TIPARP: variants seen among roughly 807,000 people sequenced by gnomAD.
The protein encoded by TIPARP is TCDD inducible poly(ADP-ribose) polymerase.
TIPARP carries 12 observed loss-of-function variants against 56.5 expected under a neutral mutation model. That is an observed-to-expected ratio of 0.21 (90% CI 0.14 to 0.34). The LOEUF is 0.34. Ranked by LOEUF, TIPARP falls within the 10% of genes least tolerant of loss-of-function variation. The pLI, the probability that TIPARP is intolerant of heterozygous loss-of-function variation, is 1.00. For synonymous variants in TIPARP, 296 were observed against 265.7 expected (o/e 1.11, Z -1.11); for missense variants, 604 against 781.6 (o/e 0.77, Z 2.71).
At chr3:156,696,194 A>G in intron 4 of TIPARP, among the ~76,000 whole-genome samples, 169 bp downstream of exon 4, 1 of 152,328 alleles carries the variant, frequency 6.6e-6, no homozygotes, top group East Asian at 1.9e-4. Flanking sequence ...AGTGTAAATA[A>G]GCTACAATAA....
chr3:156,683,359 G>A (rs142172610), intron 2 of TIPARP, among the ~76,000 whole-genome samples: 1 of 152,250 alleles, frequency 6.6e-6, no homozygotes, highest in East Asian at 1.9e-4. Context: ...GAGACCAGAA[G>A]TGTTTCAGAT....
At chr3:156,685,065 G>A (rs894835186) in intron 2 of TIPARP, among the ~76,000 whole-genome samples, 1 of 152,216 alleles carries the variant, frequency 6.6e-6, no homozygotes, top group Non-Finnish European at 1.5e-5. Context: ...GAAGAGGACA[G>A]TATTGCAGAC....
At chr3:156,703,178 A>G (rs1292117946) in intron 4 of TIPARP, among the ~76,000 whole-genome samples, 1 of 152,210 alleles carries the variant, frequency 6.6e-6, no homozygotes, top group East Asian at 1.9e-4. Context: ...CCTTGTAGCT[A>G]TACATTCCAG....
intron 1 of TIPARP, among the ~76,000 whole-genome samples, chr3:156,675,996 G>A (rs1722115652): frequency 6.6e-6 from 1 of 152,222 alleles, no homozygotes; most frequent in Non-Finnish European, 1.5e-5. Flanking sequence ...GCTTGCGTGT[G>A]TACGCGCAGA....
intron 2 of TIPARP, among the ~76,000 whole-genome samples, chr3:156,691,499 C>G (rs970681313): frequency 6.6e-6 from 1 of 152,080 alleles, no homozygotes; most frequent in African/African-American, 2.4e-5. Context: ...TTTAATTCTT[C>G]GTGTATTGCC....
At chr3:156,678,730 T>G in intron 2 of TIPARP, 116 bp downstream of exon 2, 2 of 881,088 alleles carry the variant, frequency 2.3e-6, no homozygotes, top group Non-Finnish European at 3.4e-6. Flanking sequence ...TTTTTTCCAC[T>G]ATTATTCTTT....
At chr3:156,694,427 A>G (rs1488127051) in intron 3 of TIPARP, among the ~76,000 whole-genome samples, 1 of 152,214 alleles carries the variant, frequency 6.6e-6, no homozygotes, top group East Asian at 1.9e-4. Flanking sequence ...GATAAATAAA[A>G]TGCTTTCCAC....
chr3:156,681,218 A>T (rs1277009800), intron 2 of TIPARP: 3 of 456,556 alleles, frequency 6.6e-6, no homozygotes, highest in African/African-American at 2.0e-5. Context: ...TTATTTGGCT[A>T]AAGCTATTAA....
chr3:156,690,332 T>G (rs1722534541), intron 2 of TIPARP, among the ~76,000 whole-genome samples: 1 of 152,172 alleles, frequency 6.6e-6, no homozygotes, highest in Non-Finnish European at 1.5e-5. Flanking sequence ...TACTAAGATA[T>G]TAGTATACTT....
chr3:156,676,507 C>T (rs1283317378), intron 1 of TIPARP, among the ~76,000 whole-genome samples: 1 of 152,202 alleles, frequency 6.6e-6, no homozygotes, highest in Non-Finnish European at 1.5e-5. Context: ...TTAACTAATT[C>T]AGCCAACAAA....
chr3:156,704,117 TTC>T (rs1431661370), intron 5 of TIPARP, among the ~76,000 whole-genome samples: 6 of 152,204 alleles, frequency 3.9e-5, no homozygotes, highest in African/African-American at 1.4e-4. Flanking sequence ...TGTTCATATT[TTC>T]TGTGTATTGA....
At position 156,691,352 on chromosome 3, in the gene TIPARP, A is replaced by G. The variant is rs201204026; in HGVS notation, c.918-2668A>G. Among the ~76,000 whole-genome samples the G allele has an allele frequency of 3.9e-5, 6 of 152,248 alleles. No homozygotes were observed. The East Asian group carries it at 1.2e-3, about 29-fold the overall frequency. On this transcript the variant is annotated intron_variant, in intron 2 of 5. Transcript: ENST00000295924. Reference sequence around the variant, plus strand: ...ACCACCTCCTCTCCCATATTGCTGCATGTTTATTCTTTGTCTCTTATTTCC... The same window carrying G: ...ACCACCTCCTCTCCCATATTGCTGCGTGTTTATTCTTTGTCTCTTATTTCC...
rs1317726110 is a variant in TIPARP at position 156,678,428 on chromosome 3, T to C, written c.731T>C (p.Met244Thr). The change falls in exon 2 of 6, where the codon ATG becomes ACG. Residue 244 changes from methionine (M) to threonine (T), a missense_variant. Physicochemically the swap from Met to Thr is moderately conservative, Grantham distance 81. This residue lies in a region of TIPARP where 14 missense variants were observed against 37.6 expected (regional missense o/e 0.37). Coordinates refer to ENST00000295924, the MANE Select transcript of TIPARP (RefSeq NM_015508.5). ...CAAGAGAACGGAATTGAAATTTGCA[T>C]GGACTTTCTGCAAGGCACTTGTATT... ...THQENGIEICMDFLQGTCIYG... is the reference protein window; with the variant it reads ...THQENGIEICTDFLQGTCIYG... 1 of 1,614,206 alleles carries C rather than the reference T, an allele frequency of 6.2e-7. No individual in the cohort carries two copies. The highest frequency in any genetic ancestry group is 8.5e-7 in the Non-Finnish European group (1 of 1,180,026).
intron 2 of TIPARP, among the ~76,000 whole-genome samples, chr3:156,690,500 A>T (rs1445063745): frequency 2.0e-5 from 3 of 152,188 alleles, no homozygotes; most frequent in African/African-American, 7.2e-5. Context: ...AATTATGAGA[A>T]TGGGCGTCCT....
intron 4 of TIPARP, among the ~76,000 whole-genome samples, chr3:156,697,928 A>G (rs1348698654): frequency 6.6e-6 from 1 of 152,214 alleles, no homozygotes; most frequent in Non-Finnish European, 1.5e-5. Flanking sequence ...TTGTGCCTTA[A>G]CATTAGCCAA....
chr3:156,675,178 C>T (rs1017053142), intron 1 of TIPARP: 4 of 152,004 alleles, frequency 2.6e-5, no homozygotes, highest in Non-Finnish European at 5.9e-5. Flanking sequence ...TCCCAGACCC[C>T]GGGGGGGAGG....
In TIPARP at chr3:156,694,026, A is replaced by C; in HGVS notation, c.924A>C (p.Gln308His). 1.3e-6 allele frequency: 2 copies of C among 1,582,198 alleles called. No homozygotes were observed. The highest frequency in any genetic ancestry group is 1.7e-6 in the Non-Finnish European group (2 of 1,170,418). Residue 308 changes from glutamine (Q) to histidine (H), a missense_variant, in exon 3 of 6, where the codon CAA becomes CAC. Around this residue, in one of 4 missense-constraint regions of TIPARP, gnomAD observed 252 missense variants for 303.9 expected, o/e 0.83. Transcript: ENST00000295924. ...NDRMRMKYGG[Q>H]EFWADLNAMN... is the part of the protein sequence containing the mutation. Reference sequence around the variant, plus strand: ...TGTTTTTGTTTTTTTTTAGAGGACAAGAATTTTGGGCAGATTTGAATGCCA... The same window carrying C: ...TGTTTTTGTTTTTTTTTAGAGGACACGAATTTTGGGCAGATTTGAATGCCA...
intron 5 of TIPARP, 151 bp from the exon 6 acceptor site, chr3:156,704,533 A>G (rs1434252315): frequency 8.3e-6 from 6 of 722,394 alleles, no homozygotes; most frequent in South Asian, 3.9e-5. Context: ...CAGTGGAAAG[A>G]TAAGTTTCAA....
In TIPARP at chr3:156,694,008, G is replaced by GT. The variant is rs535410568; in HGVS notation, c.918-3dup. The stretch of plus-strand genomic sequence containing the variant: ...AGGTTTTTGGGTTTTTTTTGTTTTT[G>GT]TTTTTTTTTAGAGGACAAGAATTTT... On this transcript the variant is annotated splice_polypyrimidine_tract_variant and intron_variant, in intron 2 of 5. Transcript: ENST00000295924. The GT allele has an allele frequency of 9.9e-4, 1,500 of 1,514,064 alleles. 1 individual carries two copies. The highest frequency in any genetic ancestry group is 7.7e-3 in the East Asian group (327 of 42,372). The allele number at this position is 1,514,064 out of a possible 1,614,324, so 93.8% of individuals were successfully genotyped here. A position where few individuals can be genotyped will look rare whatever the true frequency, so the allele number is the denominator to read the frequency against.
Sources: gnomAD v4.1 joint callset for allele counts (sites outside exome capture counted in the v4.1 genomes callset) on GRCh38, gnomAD v4.1.1 for gene constraint, gnomAD v4.1.1 regional missense constraint, MANE v1.5 for transcripts, NCBI Gene and HGNC (gene_info 2026-07-23, HGNC 2026-07-21) for gene names.